CENPP: variants seen among roughly 807,000 people sequenced by gnomAD.
CENPP encodes centromere protein P.
In CENPP, 24 loss-of-function variants were observed where a neutral mutation model predicts 35.6. The observed-to-expected ratio is 0.67, with a 90% confidence interval of 0.49 to 0.95. The LOEUF (loss-of-function observed/expected upper bound fraction) is 0.95, where lower values mean the gene tolerates loss of function less well. Ranked by LOEUF, CENPP falls within the 40% of genes least tolerant of loss-of-function variation. CENPP has a pLI of 0.00. For missense variants in CENPP, 332 were observed against 345.3 expected, an observed-to-expected ratio of 0.96 and a Z score of 0.31; for synonymous variants, 120 against 125.5, an observed-to-expected ratio of 0.96 and a Z score of 0.29.
chr9:92,332,199 A>G lies in CENPP; in HGVS notation c.137A>G (p.Asn46Ser), dbSNP rs770185935. 5.0e-6 allele frequency: 8 copies of G among 1,605,812 alleles called. No individual in the cohort carries two copies. Among genetic ancestry groups the G allele is most frequent in the Non-Finnish European group, 6.8e-6 (8 of 1,177,708 alleles). Residue 46 changes from asparagine to serine, a missense_variant, in exon 2 of 8, where the codon AAT becomes AGT. Coordinates refer to ENST00000375587, the MANE Select transcript of CENPP (RefSeq NM_001012267.3). ...TCTTTTCAAGCCATACACCAATTCA[A>G]TTTGGAAGGATGGAAGTCTTCAAAA... ...QKSFQAIHQF[N>S]LEGWKSSKDL...
At chr9:92,357,528 CTTG>C (rs771133565) in intron 4 of CENPP, among the ~76,000 whole-genome samples, 3 of 150,188 alleles carry the variant, frequency 2.0e-5, no homozygotes, top group Non-Finnish European at 4.4e-5. Flanking sequence ...GAATTTCACT[CTTG>C]TTGCCCAGGC....
chr9:92,464,113 C>T (rs1845215733), intron 5 of CENPP, among the ~76,000 whole-genome samples: 1 of 152,092 alleles, frequency 6.6e-6, no homozygotes, highest in East Asian at 1.9e-4. Context: ...TATTTTTGGC[C>T]CAGTTAGTCA....
intron 5 of CENPP, chr9:92,502,405 A>G (rs977126681): frequency 2.1e-5 from 29 of 1,356,852 alleles, no homozygotes; most frequent in Non-Finnish European, 2.5e-5. Flanking sequence ...CGAGCCCTTC[A>G]GTATCGTCAC....
intron 5 of CENPP, chr9:92,610,612 C>G (rs1042194462): frequency 6.6e-6 from 1 of 152,270 alleles, no homozygotes; most frequent in African/African-American, 2.4e-5. Flanking sequence ...TGTGAGATTC[C>G]ACTTGATTTC....
intron 4 of CENPP, among the ~76,000 whole-genome samples, chr9:92,366,342 T>C (rs1393616347): frequency 6.6e-6 from 1 of 152,212 alleles, no homozygotes; most frequent in Admixed American, 6.5e-5. Context: ...ATCTCTTCTT[T>C]ATAACATGAG....
At chr9:92,489,379 C>A (rs1429969042) in intron 5 of CENPP, among the ~76,000 whole-genome samples, 1 of 152,154 alleles carries the variant, frequency 6.6e-6, no homozygotes, top group Non-Finnish European at 1.5e-5. Flanking sequence ...GCTATGTGGG[C>A]TACAGATGGA....
At chr9:92,580,263 C>G (rs1010648835) in intron 5 of CENPP, among the ~76,000 whole-genome samples, 2 of 152,062 alleles carry the variant, frequency 1.3e-5, no homozygotes, top group Non-Finnish European at 2.9e-5. Flanking sequence ...CTAAAATTCT[C>G]TTTTTTGGTT....
intron 5 of CENPP, among the ~76,000 whole-genome samples, chr9:92,472,627 C>T (rs1327627057): frequency 6.6e-6 from 1 of 152,094 alleles, no homozygotes; most frequent in East Asian, 1.9e-4. Context: ...CATTGTACTC[C>T]AGCCTGGGTG....
chr9:92,502,804 C>CTT lies in CENPP; in HGVS notation c.565-108490_565-108489dup, dbSNP rs34408968. On this transcript the variant is annotated intron_variant, in intron 5 of 7. Transcript: ENST00000375587. ...AAGTAAGCTCATATTTTTAAGTTGT[C>CTT]TTTTTTTTTTTTTTTTTTTTTGAGA... 4.2e-3 allele frequency: 1,247 copies of CTT among 295,614 alleles called. 2 individuals are homozygous for CTT. The highest frequency in any genetic ancestry group is 5.6e-3 in the South Asian group (146 of 26,304). The allele number at this position is 295,614 out of a possible 1,614,324, so 18.3% of individuals were successfully genotyped here.
chr9:92,368,810 G>A (rs1841945597), intron 4 of CENPP, among the ~76,000 whole-genome samples: 1 of 152,162 alleles, frequency 6.6e-6, no homozygotes, highest in African/African-American at 2.4e-5. Flanking sequence ...AGACTGAGAT[G>A]GGAGGATCGC....
Position 92,331,906 on chromosome 9 carries a change from C to T in CENPP, c.108-264C>T, listed in dbSNP as rs527689193. Among the ~76,000 whole-genome samples, 11 of 152,286 alleles carry T rather than the reference C, an allele frequency of 7.2e-5. No homozygotes were observed. The East Asian group carries it at 1.3e-3, about 19-fold the overall frequency. Reference sequence around the variant, plus strand: ...AAGGCTGCAGTGCACTATGATTACACCACTGCACTCCAGGCTGGGTGACAG... The same window carrying T: ...AAGGCTGCAGTGCACTATGATTACATCACTGCACTCCAGGCTGGGTGACAG... On this transcript the variant is annotated intron_variant, in intron 1 of 7. Transcript: ENST00000375587.
intron 5 of CENPP, among the ~76,000 whole-genome samples, chr9:92,580,897 G>A (rs1412951852): frequency 6.6e-6 from 1 of 152,104 alleles, no homozygotes; most frequent in Non-Finnish European, 1.5e-5. Flanking sequence ...TGATGTTAGG[G>A]TGTCAATTTT....
At chr9:92,343,962 CAAAAAA>C (rs35920973) in intron 3 of CENPP, among the ~76,000 whole-genome samples, 3 of 60,988 alleles carry the variant, frequency 4.9e-5, no homozygotes, top group African/African-American at 1.3e-4. Context: ...AACCCTGTCT[CAAAAAA>C]AAAAAAAAAA....
chr9:92,494,254 C>T, intron 5 of CENPP: 1 of 1,093,210 alleles, frequency 9.1e-7, no homozygotes, highest in Non-Finnish European at 1.3e-6. Context: ...CAGTTTGAGC[C>T]CCCTTTAATA....
intron 5 of CENPP, among the ~76,000 whole-genome samples, chr9:92,430,189 G>A (rs1844069870): frequency 6.6e-6 from 1 of 152,056 alleles, no homozygotes; most frequent in Non-Finnish European, 1.5e-5. Context: ...TATGGATCTG[G>A]TTGAAAATCT....
rs1318342010 is a variant in CENPP, at chr9:92,496,522, G to A, written c.565-114792G>A. The stretch of plus-strand genomic sequence containing the variant: ...GACATGCAAGTCACACATGGTCCCA[G>A]TAATAATCTGCCTTTAGGAGTTAAG... On this transcript the variant is annotated intron_variant, in intron 5 of 7. Transcript: ENST00000375587. The A allele has an allele frequency of 2.5e-6, 4 of 1,581,966 alleles. No individual in the cohort carries two copies. The South Asian group carries it at 4.8e-5, about 19-fold the overall frequency.
rs539986545 is a variant in CENPP at position 92,584,634 on chromosome 9, T to C, written c.565-26680T>C. 3.3e-4 allele frequency among the ~76,000 whole-genome samples: 50 copies of C among 152,318 alleles called. No homozygotes were observed. In the South Asian group the frequency reaches 8.9e-3, roughly 27 times the overall value. On this transcript the variant is annotated intron_variant, in intron 5 of 7. Coordinates refer to ENST00000375587, the MANE Select transcript of CENPP (RefSeq NM_001012267.3). ...GGGATATGCCTGGCTGTAAGTTCGT[T>C]TTAACCAGTTAGTTGTATTGTTCAT...
At position 92,524,287 on chromosome 9, in the gene CENPP, C is replaced by A. The variant is rs565383545; in HGVS notation, c.565-87027C>A. On this transcript the variant is annotated intron_variant, in intron 5 of 7. Transcript: ENST00000375587. Reference sequence around the variant, plus strand: ...TCAGGAAGAGTAACTCTTTAATTAGCTGGTCTCAGGGTTAGTATAGGGCCT... The same window carrying A: ...TCAGGAAGAGTAACTCTTTAATTAGATGGTCTCAGGGTTAGTATAGGGCCT... 2.6e-5 allele frequency among the ~76,000 whole-genome samples: 4 copies of A among 152,234 alleles called. No individual in the cohort carries two copies. In the East Asian group the frequency reaches 7.7e-4, roughly 29 times the overall value.
chr9:92,539,006 A>G (rs886412476), intron 5 of CENPP: 2 of 152,214 alleles, frequency 1.3e-5, no homozygotes, highest in African/African-American at 4.8e-5. Flanking sequence ...TACCCAAATA[A>G]AGGTAAATTT....
Sources: allele counts gnomAD v4.1 joint callset (sites outside exome capture counted in the v4.1 genomes callset), GRCh38; gene constraint gnomAD v4.1.1; transcripts MANE v1.5; gene names NCBI Gene and HGNC (gene_info 2026-07-23, HGNC 2026-07-21).